Variants in PLPPR1 observed in about 807,000 individuals in gnomAD.
The protein encoded by PLPPR1 is phospholipid phosphatase related 1, also known as phospholipid phosphatase-related protein type 1.
A neutral mutation model predicts 33.1 loss-of-function variants in PLPPR1; 10 were observed. That is an observed-to-expected ratio of 0.30 (90% CI 0.19 to 0.51). The LOEUF is 0.51. PLPPR1 is among the 20% of genes least tolerant of loss of function. The pLI, the probability that PLPPR1 is intolerant of heterozygous loss-of-function variation, is 0.97. For synonymous variants in PLPPR1, 151 were observed against 151.0 expected (o/e 1.00, Z 0.00); for missense variants, 304 against 408.1 (o/e 0.74, Z 2.20).
intron 2 of PLPPR1, among the ~76,000 whole-genome samples, chr9:101,206,475 C>G (rs1195796666): frequency 1.3e-5 from 2 of 152,158 alleles, no homozygotes; most frequent in Non-Finnish European, 2.9e-5. Context: ...GAGCTTTCTC[C>G]CAGAGTCTGA....
At chr9:101,174,278 T>C (rs1480007236) in intron 1 of PLPPR1, among the ~76,000 whole-genome samples, 2 of 152,200 alleles carry the variant, frequency 1.3e-5, no homozygotes, top group Non-Finnish European at 2.9e-5. Flanking sequence ...GCTTTTTAGA[T>C]TTTTATTTTA....
intron 2 of PLPPR1, among the ~76,000 whole-genome samples, chr9:101,256,972 GA>G (rs888631391): frequency 6.6e-6 from 1 of 151,850 alleles, no homozygotes; most frequent in African/African-American, 2.4e-5. Flanking sequence ...TTCCAGTTCA[GA>G]AACTGTCTGC....
intron 2 of PLPPR1, among the ~76,000 whole-genome samples, chr9:101,200,725 C>T (rs75500702): frequency 6.6e-6 from 1 of 152,138 alleles, no homozygotes; most frequent in Non-Finnish European, 1.5e-5. Flanking sequence ...GCATTTTAAT[C>T]ATTTGATATT....
chr9:101,256,783 TA>T (rs1295496755), intron 2 of PLPPR1, among the ~76,000 whole-genome samples: 3 of 152,114 alleles, frequency 2.0e-5, no homozygotes. Flanking sequence ...TCCTATTTTG[TA>T]ACCACAATTG....
chr9:101,087,672 C>A (rs1830695253), intron 1 of PLPPR1, among the ~76,000 whole-genome samples: 4 of 152,128 alleles, frequency 2.6e-5, no homozygotes, highest in Non-Finnish European at 5.9e-5. Context: ...CACATTTACA[C>A]TGATGTGAAG....
chr9:101,039,153 A>G (rs2118413930), intron 1 of PLPPR1, among the ~76,000 whole-genome samples: 1 of 152,310 alleles, frequency 6.6e-6, no homozygotes, highest in Non-Finnish European at 1.5e-5. Context: ...AAATACTCTA[A>G]TTATCCTTCC....
Position 101,295,791 on chromosome 9 carries a change from G to A in PLPPR1, c.385+9555G>A, listed in dbSNP as rs62576943. The stretch of plus-strand genomic sequence containing the variant: ...TGGATCCCTTCCTTACACCTTATAC[G>A]AAAATTAATTCAAGATGGATTAAAG... On this transcript the variant is annotated intron_variant, in intron 4 of 7. Transcript: ENST00000374874. 5.8e-3 allele frequency among the ~76,000 whole-genome samples: 871 copies of A among 151,188 alleles called. 10 individuals are homozygous for A. The highest frequency in any genetic ancestry group is 0.013 in the Admixed American group (200 of 15,080).
At chr9:101,101,450 TC>T (rs1830897684) in intron 1 of PLPPR1, among the ~76,000 whole-genome samples, 2 of 151,520 alleles carry the variant, frequency 1.3e-5, no homozygotes, top group African/African-American at 4.9e-5. Flanking sequence ...CAGCTGCAGC[TC>T]CAGAACCAGC....
chr9:101,164,154 G>T (rs922875534), intron 1 of PLPPR1, among the ~76,000 whole-genome samples: 4 of 151,998 alleles, frequency 2.6e-5, no homozygotes. Context: ...AGTTGATGTG[G>T]TGACTAAGTG....
chr9:101,115,490 G>T (rs1422728780), intron 1 of PLPPR1, among the ~76,000 whole-genome samples: 2 of 152,316 alleles, frequency 1.3e-5, no homozygotes, highest in Non-Finnish European at 2.9e-5. Flanking sequence ...AGTACAAATT[G>T]CCAGTTGAGA....
intron 4 of PLPPR1, among the ~76,000 whole-genome samples, chr9:101,290,082 A>T (rs533437680): frequency 1.2e-4 from 18 of 152,366 alleles, no homozygotes; most frequent in African/African-American, 4.3e-4. Flanking sequence ...TACTCTGAGT[A>T]TATGTGAATT....
chr9:101,298,885 G>A (rs1208610315), intron 4 of PLPPR1, among the ~76,000 whole-genome samples: 1 of 152,154 alleles, frequency 6.6e-6, no homozygotes, highest in Non-Finnish European at 1.5e-5. Context: ...AAATGGAGAG[G>A]AGAAGCTGTA....
chr9:101,073,348 G>A (rs532001526), intron 1 of PLPPR1, among the ~76,000 whole-genome samples: 1 of 152,240 alleles, frequency 6.6e-6, no homozygotes, highest in Admixed American at 6.5e-5. Flanking sequence ...GTTATGCAAA[G>A]GGCCGCTAAT....
intron 1 of PLPPR1, among the ~76,000 whole-genome samples, chr9:101,143,161 T>C (rs1831475811): frequency 1.3e-5 from 2 of 152,204 alleles, no homozygotes; most frequent in African/African-American, 4.8e-5. Context: ...ATGTTCTTTG[T>C]AAAACACAGT....
chr9:101,095,646 G>T (rs765295216), intron 1 of PLPPR1, among the ~76,000 whole-genome samples: 3 of 152,114 alleles, frequency 2.0e-5, no homozygotes, highest in Non-Finnish European at 4.4e-5. Flanking sequence ...ATACGATGAA[G>T]AAACCATGTT....
At chr9:101,167,141 GGTGT>G (rs756843224) in intron 1 of PLPPR1, among the ~76,000 whole-genome samples, 3,832 of 39,604 alleles carry the variant, frequency 0.097, 213 homozygotes, top group Admixed American at 0.23. Flanking sequence ...TATGTCTCTC[GGTGT>G]GTGTGTGTGT....
chr9:101,231,651 G>A (rs766914254), intron 2 of PLPPR1, among the ~76,000 whole-genome samples: 3 of 151,994 alleles, frequency 2.0e-5, no homozygotes, highest in Non-Finnish European at 4.4e-5. Flanking sequence ...AATGTCTTGA[G>A]TTTACTACCC....
At chr9:101,057,648 A>G (rs1483323201) in intron 1 of PLPPR1, among the ~76,000 whole-genome samples, 1 of 152,212 alleles carries the variant, frequency 6.6e-6, no homozygotes, top group Non-Finnish European at 1.5e-5. Context: ...AGTTTTCTCA[A>G]TAGCTCAGAA....
chr9:101,208,176 ATTTCAAT>A (rs1434195368), intron 2 of PLPPR1, among the ~76,000 whole-genome samples: 2 of 152,134 alleles, frequency 1.3e-5, no homozygotes, highest in Non-Finnish European at 2.9e-5. Flanking sequence ...AGGCTGTGAG[ATTTCAAT>A]TTTCATCTAT....
Sources: gnomAD v4.1 joint callset for allele counts (sites outside exome capture counted in the v4.1 genomes callset) on GRCh38, gnomAD v4.1.1 for gene constraint, MANE v1.5 for transcripts, NCBI Gene and HGNC (gene_info 2026-07-23, HGNC 2026-07-21) for gene names.